Variants in SNW1 observed in about 807,000 individuals in gnomAD.
SNW1 encodes SNW domain containing 1.
A neutral mutation model predicts 75.6 loss-of-function variants in SNW1; 9 were observed. The observed-to-expected ratio is 0.12, with a 90% CI of 0.07 to 0.21. The LOEUF (loss-of-function observed/expected upper bound fraction) is 0.21, where lower values mean the gene tolerates loss of function less well. Ranked by LOEUF, SNW1 falls within the 10% of genes least tolerant of loss-of-function variation. The pLI is 1.00. For synonymous variants in SNW1, 200 were observed against 219.1 expected (o/e 0.91, Z 0.77); for missense variants, 409 against 670.9 (o/e 0.61, Z 4.31).
Position 77,741,826 on chromosome 14 carries a change from G to A in SNW1, c.331-2765C>T, listed in dbSNP as rs537024508. ...AACGGTTATAAGGAAAGGATTCTAAGTAAATGGCTCCCTGGTAGTCATGTA... is the reference window on the plus strand; with the variant it reads ...AACGGTTATAAGGAAAGGATTCTAAATAAATGGCTCCCTGGTAGTCATGTA... On this transcript the variant is annotated intron_variant, in intron 3 of 13. Transcript: ENST00000261531. Among the ~76,000 whole-genome samples, 42 of 152,200 alleles carry A rather than the reference G, an allele frequency of 2.8e-4. No individual in the cohort carries two copies. The South Asian group carries it at 3.5e-3, about 13-fold the overall frequency.
At chr14:77,722,807 A>C in intron 11 of SNW1, 1 of 415,828 alleles carries the variant, frequency 2.4e-6, no homozygotes, top group Non-Finnish European at 4.7e-6. Flanking sequence ...TAAAAGGTAC[A>C]AAAAGGCCAC....
chr14:77,755,000 T>C lies in SNW1; in HGVS notation c.135A>G (p.Gly45=), dbSNP rs376928290. Residue 45 remains glycine, a synonymous_variant, in exon 2 of 14, where the codon GGA becomes GGG. Transcript: ENST00000261531. ...ACCGAGGTATCCAGCCTTTCCGGTA[T>C]CCGTACGGGGGAGGTTCTCTTCGGG... is the stretch of plus-strand genomic sequence containing the variant. ...VSSRREPPPY[G]YRKGWIPRLL... is the part of the protein sequence containing the mutation. 12 of 1,607,534 alleles carry C rather than the reference T, an allele frequency of 7.5e-6. No individual in the cohort carries two copies. Among genetic ancestry groups the C allele is most frequent in the Non-Finnish European group, 1.0e-5 (12 of 1,176,966 alleles).
rs371865176 is a variant in SNW1 at position 77,756,511 on chromosome 14, CTG to C, written c.15-1393_15-1392del. Among the ~76,000 whole-genome samples, 124 of 152,288 alleles carry C rather than the reference CTG, an allele frequency of 8.1e-4. 4 individuals carry two copies. The highest frequency in any genetic ancestry group is 3.4e-3 in the Middle Eastern group (1 of 294). Reference sequence around the variant, plus strand: ...AAATACAAAAGAACTAGGATTAAAACTGAATGTAAAAAAGAGGTGGATAAAAT... The same window carrying C: ...AAATACAAAAGAACTAGGATTAAAACAATGTAAAAAAGAGGTGGATAAAAT... On this transcript the variant is annotated intron_variant, in intron 1 of 13. Coordinates refer to ENST00000261531, the MANE Select transcript of SNW1 (RefSeq NM_012245.3).
At chr14:77,741,330 A>G (rs768058193) in intron 3 of SNW1, among the ~76,000 whole-genome samples, 4 of 152,132 alleles carry the variant, frequency 2.6e-5, no homozygotes, top group Non-Finnish European at 5.9e-5. Flanking sequence ...CCAGGGCAAC[A>G]TGGCAAGACC....
chr14:77,746,907 C>T (rs1340539733), intron 3 of SNW1, among the ~76,000 whole-genome samples: 1 of 151,824 alleles, frequency 6.6e-6, no homozygotes, highest in Admixed American at 6.6e-5. Flanking sequence ...CTCCCCCTCC[C>T]CCCTTCTGTG....
At position 77,755,086 on chromosome 14, in the gene SNW1, G is replaced by C; in HGVS notation, c.49C>G (p.Gln17Glu). 6.2e-7 allele frequency: 1 copy of C among 1,612,982 alleles called. No homozygotes were observed. ...CTTGCCTTTTCTTCAGCCTCAAGCT[G>C]GTCCTGAGATAGCTGAGTAGGTGCA... ...LPAPTQLSQD[Q>E]LEAEEKARSQ... Residue 17 changes from glutamine (Q) to glutamate (E), a missense_variant, in exon 2 of 14, where the codon CAG (glutamine) becomes GAG (glutamate). This residue lies in a region of SNW1 where 73 missense variants were observed against 68.3 expected (regional missense o/e 1.07). Transcript: ENST00000261531.
At chr14:77,754,675 T>C (rs1344742571) in intron 2 of SNW1, among the ~76,000 whole-genome samples, 2 of 152,168 alleles carry the variant, frequency 1.3e-5, no homozygotes, top group Non-Finnish European at 2.9e-5. Flanking sequence ...CCCATTATTT[T>C]CCGTAATTCC....
chr14:77,759,208 C>T (rs1228944657), intron 1 of SNW1, among the ~76,000 whole-genome samples: 4 of 152,330 alleles, frequency 2.6e-5, no homozygotes, highest in East Asian at 3.9e-4. Context: ...ATTTTAAGCA[C>T]GCAATACCCA....
chr14:77,754,622 C>G (rs1291437684), intron 2 of SNW1, among the ~76,000 whole-genome samples: 1 of 151,740 alleles, frequency 6.6e-6, no homozygotes, highest in Non-Finnish European at 1.5e-5. Context: ...GGAGGAGGAG[C>G]CCAAATATGA....
chr14:77,741,763 A>G (rs2080721026), intron 3 of SNW1, among the ~76,000 whole-genome samples: 2 of 152,186 alleles, frequency 1.3e-5, no homozygotes, highest in East Asian at 1.9e-4. Context: ...CAATTCTATG[A>G]AGAGTTAATC....
At position 77,760,472 on chromosome 14, in the gene SNW1, G is replaced by A. The variant is rs191232320; in HGVS notation, c.14+642C>T. ...TGAAAAGCATCTTTTTCTTAAAGGC[G>A]GAGAGCACTTTACAGACGGTTACTA... On this transcript the variant is annotated intron_variant, in intron 1 of 13. Transcript: ENST00000261531. 1.4e-4 allele frequency among the ~76,000 whole-genome samples: 21 copies of A among 152,296 alleles called. 1 individual carries two copies. The highest frequency in any genetic ancestry group is 3.1e-4 in the African/African-American group (13 of 41,554).
intron 5 of SNW1, among the ~76,000 whole-genome samples, chr14:77,738,275 T>G (rs184750834): frequency 6.6e-6 from 1 of 152,198 alleles, no homozygotes; most frequent in East Asian, 1.9e-4. Context: ...CACTCCAGCC[T>G]GGGCAACAGA....
intron 3 of SNW1, among the ~76,000 whole-genome samples, chr14:77,747,574 G>C (rs2080771303): frequency 6.6e-6 from 1 of 151,910 alleles, no homozygotes. Context: ...CCGGGACCCT[G>C]TCTGGGAGGT....
intron 10 of SNW1, among the ~76,000 whole-genome samples, chr14:77,727,176 C>T (rs1417726926): frequency 1.3e-5 from 2 of 152,030 alleles, no homozygotes; most frequent in East Asian, 1.9e-4. Flanking sequence ...GACTCAGCGT[C>T]CTGAGTAGCT....
intron 1 of SNW1, among the ~76,000 whole-genome samples, chr14:77,755,365 A>AT (rs1344387618): frequency 6.6e-6 from 1 of 152,200 alleles, no homozygotes; most frequent in Non-Finnish European, 1.5e-5. Context: ...GTCCAGAATA[A>AT]AAAATTAACA....
intron 10 of SNW1, among the ~76,000 whole-genome samples, chr14:77,728,730 G>A (rs1411687217): frequency 6.6e-6 from 1 of 152,088 alleles, no homozygotes; most frequent in Non-Finnish European, 1.5e-5. Flanking sequence ...TGTGACCTGC[G>A]CAGATTACTT....
chr14:77,746,615 AC>A (rs2080762125), intron 3 of SNW1, among the ~76,000 whole-genome samples: 1 of 152,190 alleles, frequency 6.6e-6, no homozygotes, highest in South Asian at 2.1e-4. Flanking sequence ...GATCTTGAAT[AC>A]ATTTGTTTGT....
intron 1 of SNW1, chr14:77,760,733 G>A (rs2080882226): frequency 2.8e-6 from 2 of 702,376 alleles, no homozygotes; most frequent in Admixed American, 2.0e-5. Context: ...CCGCGCAGTC[G>A]CAGCCCGCGC....
At chr14:77,759,360 A>T (rs186159775) in intron 1 of SNW1, among the ~76,000 whole-genome samples, 15 of 152,098 alleles carry the variant, frequency 9.9e-5, no homozygotes, top group Admixed American at 1.3e-4. Flanking sequence ...AAAAAAACAA[A>T]AATTAACTGG....
Sources: allele counts gnomAD v4.1 joint callset (sites outside exome capture counted in the v4.1 genomes callset), GRCh38; gene constraint gnomAD v4.1.1; regional missense constraint gnomAD v4.1.1; transcripts MANE v1.5; gene names NCBI Gene and HGNC (gene_info 2026-07-23, HGNC 2026-07-21).